Variants in COPA observed in about 807,000 individuals in gnomAD.
COPA encodes the protein coat protein complex I subunit alpha.
COPA carries 10 observed loss-of-function variants against 158.7 expected under a neutral mutation model. The ratio of observed to expected loss-of-function variants is 0.06; its 90% CI spans 0.04 to 0.11. COPA has a LOEUF of 0.11. COPA is among the 10% of genes least tolerant of loss of function. The pLI, the probability that COPA is intolerant of heterozygous loss-of-function variation, is 1.00. For synonymous variants in COPA, 462 were observed against 542.8 expected, an observed-to-expected ratio of 0.85 and a Z score of 2.07; for missense variants, 1,065 against 1,536.7, an observed-to-expected ratio of 0.69 and a Z score of 5.13.
intron 18 of COPA, 21 bp from the exon 19 acceptor site, chr1:160,299,012 C>G: frequency 6.2e-7 from 1 of 1,610,476 alleles, no homozygotes; most frequent in Non-Finnish European, 8.5e-7. Context: ...GGGGTGGAGT[C>G]GGGCAAGAAG....
chr1:160,291,880 A>G lies in COPA; in HGVS notation c.3197T>C (p.Val1066Ala). The change falls in exon 30 of 33, where the codon GTG becomes GCG. Residue 1066 changes from valine to alanine, a missense_variant. Transcript: ENST00000241704. ...GGGCAGCTTCTTCCTTTCTGTCTCC[A>G]CGGACAAACCCACAATGTACTCACG... ...ICREYIVGLS[V>A]ETERKKLPKE... The G allele has an allele frequency of 6.2e-7, 1 of 1,614,080 alleles. No individual in the cohort carries two copies. The highest frequency in any genetic ancestry group is 8.5e-7 in the Non-Finnish European group (1 of 1,180,034).
intron 27 of COPA, 106 bp downstream of exon 27, chr1:160,293,059 AC>A: frequency 2.7e-6 from 3 of 1,111,880 alleles, no homozygotes; most frequent in East Asian, 2.4e-5. Context: ...AAAAATATAC[AC>A]CTTTCCCCTT....
chr1:160,295,644 AG>A, intron 23 of COPA, 91 bp downstream of exon 23: 1 of 1,282,538 alleles, frequency 7.8e-7, no homozygotes, highest in African/African-American at 1.5e-5. Flanking sequence ...GCAGAAAAAA[AG>A]GACAAGTTAA....
In COPA at chr1:160,333,397, TAA is replaced by T. The variant is rs1647619545; in HGVS notation, c.386+204_386+205del. On this transcript the variant is annotated intron_variant, in intron 5 of 32. Coordinates refer to ENST00000241704, the MANE Select transcript of COPA (RefSeq NM_004371.4). ...AAGGCTATATGACTTCTCTTCCTGG[TAA>T]GAAATTATTGGAAGTCCAGATTCAT... The T allele has an allele frequency of 8.8e-6, 4 of 452,512 alleles. No homozygotes were observed. In the South Asian group the frequency reaches 1.8e-4, roughly 20 times the overall value. 28.0% of individuals were successfully genotyped at this position (452,512 alleles called of 1,614,324 possible). A position where few individuals can be genotyped will look rare whatever the true frequency, so the allele number is the denominator to read the frequency against.
chr1:160,322,997 A>G (rs2101859559), intron 8 of COPA, among the ~76,000 whole-genome samples: 1 of 152,012 alleles, frequency 6.6e-6, no homozygotes, highest in Middle Eastern at 3.4e-3. Flanking sequence ...GTGCACACAC[A>G]CACACACACA....
chr1:160,310,681 A>T (rs1399804014), intron 11 of COPA, among the ~76,000 whole-genome samples: 1 of 152,162 alleles, frequency 6.6e-6, no homozygotes, highest in Non-Finnish European at 1.5e-5. Flanking sequence ...ATGATGCTAA[A>T]GGGTGGTTAT....
At position 160,332,471 on chromosome 1, in the gene COPA, G is replaced by C. The variant is rs371954050; in HGVS notation, c.473C>G (p.Thr158Ser). ...ACCAGAAATATCCCAAACGCGCACA[G>C]TCTGGTCCAGGCTGGCTGATACTAC... ...DLVVSASLDQ[T>S]VRVWDISGLR... The change falls in exon 6 of 33, where the codon ACT becomes AGT. Residue 158 changes from threonine (T) to serine (S), a missense_variant. By Grantham distance (58) the Thr-to-Ser change is moderately conservative (BLOSUM62 1). Transcript: ENST00000241704. 19 of 1,613,350 alleles carry C rather than the reference G, an allele frequency of 1.2e-5. No homozygotes were observed. Among genetic ancestry groups the C allele is most frequent in the Non-Finnish European group, 1.6e-5 (19 of 1,179,852 alleles).
chr1:160,297,824 T>C lies in COPA; in HGVS notation c.1978-79A>G, dbSNP rs533158244. The C allele has an allele frequency of 3.5e-6, 5 of 1,411,308 alleles. No individual in the cohort carries two copies. In the South Asian group the frequency reaches 6.6e-5, roughly 19 times the overall value. 87.4% of individuals were successfully genotyped at this position (1,411,308 alleles called of 1,614,324 possible). On this transcript the variant is annotated intron_variant, in intron 19 of 32. Transcript: ENST00000241704. ...CCAAGGACTCTGCAAAGCATCTGCA[T>C]CTATATAGATTTCCTGAAGAACTTC...
chr1:160,293,544 G>T, intron 25 of COPA, 81 bp from the exon 26 acceptor site: 2 of 1,082,646 alleles, frequency 1.8e-6, no homozygotes, highest in Non-Finnish European at 2.6e-6. Flanking sequence ...ACCTAGACTG[G>T]AGTACAGAGG....
intron 10 of COPA, among the ~76,000 whole-genome samples, chr1:160,312,642 A>G (rs1027317857): frequency 6.6e-6 from 1 of 152,144 alleles, no homozygotes; most frequent in African/African-American, 2.4e-5. Flanking sequence ...CATGGCATAG[A>G]AGGCAATACA....
At chr1:160,307,290 T>C in intron 13 of COPA, 45 bp from the exon 14 acceptor site, 8 of 1,581,850 alleles carry the variant, frequency 5.1e-6, no homozygotes, top group Non-Finnish European at 7.0e-6. Flanking sequence ...GGTGAGTCAC[T>C]GGCAGGTGAC....
At chr1:160,338,197 C>T (rs566912189) in intron 3 of COPA, among the ~76,000 whole-genome samples, 3 of 152,272 alleles carry the variant, frequency 2.0e-5, no homozygotes, top group African/African-American at 7.2e-5. Flanking sequence ...ACTCAATGTT[C>T]ATCACTATAA....
At chr1:160,332,595 G>T in intron 5 of COPA, 38 bp from the exon 6 acceptor site, 1 of 1,438,914 alleles carries the variant, frequency 6.9e-7, no homozygotes, top group South Asian at 1.2e-5. Context: ...AATTAGAGGT[G>T]GAAGTCAACA....
chr1:160,333,507 C>A, intron 5 of COPA, 96 bp downstream of exon 5: 1 of 841,308 alleles, frequency 1.2e-6, no homozygotes, highest in South Asian at 1.7e-5. Context: ...CCGACATAGT[C>A]CATTTGAGAA....
intron 8 of COPA, among the ~76,000 whole-genome samples, chr1:160,315,067 A>T (rs1659089390): frequency 6.6e-6 from 1 of 152,226 alleles, no homozygotes; most frequent in African/African-American, 2.4e-5. Flanking sequence ...GCAACAACCC[A>T]GAACTCAAAT....
At position 160,314,053 on chromosome 1, in the gene COPA, C is replaced by T. The variant is rs1381216320; in HGVS notation, c.779G>A (p.Arg260His). The T allele has an allele frequency of 5.0e-6, 8 of 1,613,748 alleles. No individual in the cohort carries two copies. The highest frequency in any genetic ancestry group is 3.3e-5 in the South Asian group (3 of 91,056). The change falls in exon 9 of 33, where the codon CGC (arginine) becomes CAC (histidine). Residue 260 changes from arginine to histidine, a missense_variant. Physicochemically the swap from Arg to His is conservative, Grantham distance 29 (BLOSUM62 0). Coordinates refer to ENST00000241704, the MANE Select transcript of COPA (RefSeq NM_004371.4). ...AGAATTGCTGAGGATCAACTCTTGG[C>T]GAGGGTGGAAGACGGCACAAGATAC... ...NNVSCAVFHPRQELILSNSED... is the reference protein window; with the variant it reads ...NNVSCAVFHPHQELILSNSED...
At chr1:160,338,870 A>G (rs563023147) in intron 3 of COPA, among the ~76,000 whole-genome samples, 5 of 152,234 alleles carry the variant, frequency 3.3e-5, no homozygotes, top group East Asian at 1.9e-4. Context: ...TCCTTGAGCA[A>G]TATCTTCTAC....
Position 160,299,121 on chromosome 1 carries a change from A to T in COPA, c.1811T>A (p.Ile604Asn). 1 of 1,614,074 alleles carries T rather than the reference A, an allele frequency of 6.2e-7. No individual in the cohort carries two copies. The highest frequency in any genetic ancestry group is 8.5e-7 in the Non-Finnish European group (1 of 1,179,998). Residue 604 changes from isoleucine (I) to asparagine (N), a missense_variant, in exon 18 of 33, where the codon ATC becomes AAC. By Grantham distance (149) the Ile-to-Asn change is moderately radical. Around this residue, in one of 2 missense-constraint regions of COPA, gnomAD observed 980 missense variants for 1,357.8 expected, o/e 0.72. Transcript: ENST00000241704. ...TCATACCTCATCATATTTTCTGTTG[A>T]TCAGGGCCAGCTTGAATTTGAACTC... Reference protein sequence around the residue: ...PTEFKFKLALINRKYDEVLHM... With the variant: ...PTEFKFKLALNNRKYDEVLHM...
At chr1:160,306,847 G>A (rs146026638) in intron 14 of COPA, among the ~76,000 whole-genome samples, 131 of 152,300 alleles carry the variant, frequency 8.6e-4, no homozygotes, top group African/African-American at 3.1e-3. Context: ...TAACAATGGA[G>A]GCAGCAGAAG....
Sources: allele counts gnomAD v4.1 joint callset (sites outside exome capture counted in the v4.1 genomes callset), GRCh38; gene constraint gnomAD v4.1.1; regional missense constraint gnomAD v4.1.1; transcripts MANE v1.5; gene names NCBI Gene and HGNC (gene_info 2026-07-23, HGNC 2026-07-21).